Variants in ALMS1 observed in about 807,000 individuals in gnomAD.
The protein encoded by ALMS1 is ALMS1 centrosome and basal body associated protein.
Under a neutral mutation model 352.2 loss-of-function variants are expected in ALMS1, and 271 were observed. The observed-to-expected ratio is 0.77, with a 90% CI of 0.70 to 0.85. ALMS1 has a LOEUF of 0.85. Among genes scored for constraint, ALMS1 ranks in the 40% least tolerant of loss-of-function variants. The probability of loss-of-function intolerance (pLI) is 0.00; values close to 1 mark genes in which losing one functional copy is unlikely to be tolerated. For missense variants in ALMS1, 5,445 were observed against 4,870.7 expected, an observed-to-expected ratio of 1.12 and a Z score of -3.51; for synonymous variants, 1,865 against 1,761.2, an observed-to-expected ratio of 1.06 and a Z score of -1.48.
intron 14 of ALMS1, among the ~76,000 whole-genome samples, chr2:73,557,660 C>T (rs1674574067): frequency 6.6e-6 from 1 of 152,192 alleles, no homozygotes; most frequent in Non-Finnish European, 1.5e-5. Flanking sequence ...GATAAAATCT[C>T]TCAATTCTGT....
rs564674598 is a variant in ALMS1 at position 73,588,883 on chromosome 2, G to A, written c.11548-10518G>A. Among the ~76,000 whole-genome samples, 24 of 152,062 alleles carry A rather than the reference G, an allele frequency of 1.6e-4. No individual in the cohort carries two copies. In the South Asian group the frequency reaches 4.8e-3, roughly 30 times the overall value. On this transcript the variant is annotated intron_variant, in intron 16 of 22. Transcript: ENST00000613296. ...TATCAGACTTTACATGCCTATATAC[G>A]AAGAGAAATTACACTCAAAAGCAGC...
Position 73,448,961 on chromosome 2 carries a change from T to A in ALMS1, c.2434T>A (p.Ser812Thr). 6.2e-7 allele frequency: 1 copy of A among 1,614,022 alleles called. No individual in the cohort carries two copies. The highest frequency in any genetic ancestry group is 1.3e-5 in the African/African-American group (1 of 75,012). Residue 812 changes from serine to threonine, a missense_variant, in exon 8 of 23, where the codon TCA (serine) becomes ACA (threonine). Physicochemically the swap from Ser to Thr is moderately conservative, Grantham distance 58. Transcript: ENST00000613296. ...ACCAACAGTACCCTCTAGTGCATAC[T>A]CACACAGAGAGAAGCTCCTTGTTTT... is the stretch of plus-strand genomic sequence containing the variant. Reference protein sequence around the residue: ...GLPTVPSSAYSHREKLLVFYQ... With the variant: ...GLPTVPSSAYTHREKLLVFYQ...
At chr2:73,442,303 A>G (rs1184642430) in intron 7 of ALMS1, among the ~76,000 whole-genome samples, 1 of 152,016 alleles carries the variant, frequency 6.6e-6, no homozygotes, top group African/African-American at 2.4e-5. Flanking sequence ...TATTATTATT[A>G]TGCCATATTG....
intron 7 of ALMS1, among the ~76,000 whole-genome samples, chr2:73,436,322 AC>A (rs1671603691): frequency 6.6e-6 from 1 of 152,106 alleles, no homozygotes; most frequent in African/African-American, 2.4e-5. Context: ...TTTGTCTTTC[AC>A]TTTCAGTATC....
rs142904692 is a variant in ALMS1 at position 73,453,326 on chromosome 2, A to G, written c.6799A>G (p.Met2267Val). 1.2e-6 allele frequency: 2 copies of G among 1,613,948 alleles called. No homozygotes were observed. Among genetic ancestry groups the G allele is most frequent in the East Asian group, 4.5e-5 (2 of 44,866 alleles). ...KTLKEIRTLL[M>V]EAENMALKRC... The stretch of plus-strand genomic sequence containing the variant: ...TCTTAAGGAAATTCGGACACTTTTG[A>G]TGGAGGCAGAAAATATGGCACTGAA... The change falls in exon 8 of 23, where the codon ATG (methionine) becomes GTG (valine). Residue 2267 changes from methionine to valine, a missense_variant. Coordinates refer to ENST00000613296, the MANE Select transcript of ALMS1 (RefSeq NM_001378454.1).
chr2:73,403,515 G>T (rs942694152), intron 1 of ALMS1, among the ~76,000 whole-genome samples: 4 of 151,976 alleles, frequency 2.6e-5, no homozygotes, highest in African/African-American at 9.7e-5. Flanking sequence ...GCTCTTTAGA[G>T]TCTTTTGTGG....
intron 10 of ALMS1, among the ~76,000 whole-genome samples, chr2:73,505,951 C>T (rs528527838): frequency 6.6e-6 from 1 of 152,232 alleles, no homozygotes; most frequent in South Asian, 2.1e-4. Context: ...TTTAATCCAT[C>T]TTGAGTTAAT....
At chr2:73,424,153 G>A (rs1468552180) in intron 4 of ALMS1, among the ~76,000 whole-genome samples, 1 of 152,098 alleles carries the variant, frequency 6.6e-6, no homozygotes, top group Non-Finnish European at 1.5e-5. Flanking sequence ...ATCATGGTAG[G>A]CGTCATTATG....
At chr2:73,477,612 A>C (rs1040361234) in intron 9 of ALMS1, among the ~76,000 whole-genome samples, 4 of 152,086 alleles carry the variant, frequency 2.6e-5, no homozygotes, top group African/African-American at 9.7e-5. Context: ...CAGTCCATAA[A>C]CATGAGCCAG....
At chr2:73,431,667 T>C (rs779365665) in intron 6 of ALMS1, among the ~76,000 whole-genome samples, 23 of 152,246 alleles carry the variant, frequency 1.5e-4, no homozygotes, top group Non-Finnish European at 2.4e-4. Context: ...TGAGGACTTA[T>C]GCTTGTTGGT....
At chr2:73,596,470 T>C (rs1306451224) in intron 16 of ALMS1, among the ~76,000 whole-genome samples, 1 of 141,900 alleles carries the variant, frequency 7.0e-6, no homozygotes, top group Non-Finnish European at 1.5e-5. Flanking sequence ...TGTCTGTATC[T>C]TTTTTTTTTT....
rs1374824703 is a variant in ALMS1 at position 73,550,409 on chromosome 2, A to G, written c.10050A>G (p.Gly3350=). 1.9e-6 allele frequency: 3 copies of G among 1,614,162 alleles called. No individual in the cohort carries two copies. The change falls in exon 13 of 23, where the codon GGA becomes GGG. Residue 3350 remains glycine, a synonymous_variant. Coordinates refer to ENST00000613296, the MANE Select transcript of ALMS1 (RefSeq NM_001378454.1). ...TGACTAAGGCATCCTTGCCAGTGGG[A>G]GAAAAACCCTTGCAGAATGAAAATG... ...RVVTKASLPV[G]EKPLQNENAD... is the part of the protein sequence containing the mutation.
intron 1 of ALMS1, among the ~76,000 whole-genome samples, chr2:73,386,726 G>A (rs1670542932): frequency 6.6e-6 from 1 of 152,134 alleles, no homozygotes; most frequent in South Asian, 2.1e-4. Flanking sequence ...CCGATAGGAG[G>A]GGCTTGGAAT....
At chr2:73,487,555 A>C (rs147898571) in intron 9 of ALMS1, among the ~76,000 whole-genome samples, 1,538 of 152,280 alleles carry the variant, frequency 0.01, 10 homozygotes, top group South Asian at 0.016. Context: ...CCGAAAGGCC[A>C]CAGCTTGTCT....
At position 73,598,900 on chromosome 2, in the gene ALMS1, ACT is replaced by A. The variant is rs1675610162; in HGVS notation, c.11548-496_11548-495del. 3.3e-5 allele frequency among the ~76,000 whole-genome samples: 5 copies of A among 151,932 alleles called. No individual in the cohort carries two copies. In the South Asian group the frequency reaches 1.0e-3, roughly 32 times the overall value. ...GAACGTAATTTAAAAGGCCTTTGGGACTCTCTAATACTTTTTGCAATGCTCTA... is the reference window on the plus strand; with the variant it reads ...GAACGTAATTTAAAAGGCCTTTGGGACTCTAATACTTTTTGCAATGCTCTA... On this transcript the variant is annotated intron_variant, in intron 16 of 22. Coordinates refer to ENST00000613296, the MANE Select transcript of ALMS1 (RefSeq NM_001378454.1).
At chr2:73,515,400 T>C (rs922772743) in intron 10 of ALMS1, among the ~76,000 whole-genome samples, 2 of 152,230 alleles carry the variant, frequency 1.3e-5, no homozygotes, top group African/African-American at 4.8e-5. Flanking sequence ...CAGTTTTTCT[T>C]GTCTATTTTT....
chr2:73,544,318 A>C (rs956100584), intron 12 of ALMS1, among the ~76,000 whole-genome samples: 2 of 152,192 alleles, frequency 1.3e-5, no homozygotes, highest in African/African-American at 4.8e-5. Context: ...TTGAACAATG[A>C]GAACACATGG....
intron 2 of ALMS1, among the ~76,000 whole-genome samples, chr2:73,409,321 T>C (rs1671032566): frequency 1.3e-5 from 2 of 152,146 alleles, no homozygotes; most frequent in Admixed American, 1.3e-4. Flanking sequence ...CTGTGTTTAC[T>C]GGGCTGGTCT....
chr2:73,462,115 A>C (rs890612236), intron 9 of ALMS1, among the ~76,000 whole-genome samples: 8 of 152,066 alleles, frequency 5.3e-5, no homozygotes, highest in African/African-American at 1.9e-4. Context: ...CGCCACAAAG[A>C]TACTCCTCGA....
Sources: gnomAD v4.1 joint callset for allele counts (sites outside exome capture counted in the v4.1 genomes callset) on GRCh38, gnomAD v4.1.1 for gene constraint, MANE v1.5 for transcripts, NCBI Gene and HGNC (gene_info 2026-07-23, HGNC 2026-07-21) for gene names.